TENM2: variants seen among roughly 807,000 people sequenced by gnomAD.
TENM2 encodes the protein teneurin transmembrane protein 2, also known as teneurin-2.
Under a neutral mutation model 245.2 loss-of-function variants are expected in TENM2, and 52 were observed. The ratio of observed to expected loss-of-function variants is 0.21; its 90% CI spans 0.17 to 0.27. The LOEUF is 0.27. TENM2 is among the 10% of genes least tolerant of loss of function. The pLI is 1.00. For missense variants in TENM2, 3,046 were observed against 3,666.8 expected (o/e 0.83, Z 4.37); for synonymous variants, 1,363 against 1,438.9 (o/e 0.95, Z 1.19).
chr5:168,057,029 C>G (rs1359708846), intron 6 of TENM2, among the ~76,000 whole-genome samples: 2 of 151,932 alleles, frequency 1.3e-5, no homozygotes, highest in Non-Finnish European at 2.9e-5. Context: ...TGTTAAGTGA[C>G]TCATGACTGT....
intron 4 of TENM2, among the ~76,000 whole-genome samples, chr5:167,961,818 C>G (rs752131892): frequency 9.9e-5 from 15 of 152,138 alleles, no homozygotes; most frequent in Non-Finnish European, 2.1e-4. Flanking sequence ...CTGGAAGTTC[C>G]TACACCCAAA....
chr5:167,243,359 G>A, the TENM2 span, among the ~76,000 whole-genome samples: 1 of 152,138 alleles, frequency 6.6e-6, no homozygotes. Flanking sequence ...GGCTGGTCAG[G>A]TTCCTGCAGG....
chr5:167,219,439 G>A, the TENM2 span, among the ~76,000 whole-genome samples: 1 of 152,174 alleles, frequency 6.6e-6, no homozygotes, highest in South Asian at 2.1e-4. Context: ...TGTTACCCCT[G>A]AGGGTGATCA....
intron 2 of TENM2, chr5:167,653,763 G>A (rs1044886026): frequency 6.6e-6 from 1 of 152,130 alleles, no homozygotes; most frequent in African/African-American, 2.4e-5. Context: ...CTGGCCATAG[G>A]GATTGGTTCT....
intron 2 of TENM2, among the ~76,000 whole-genome samples, chr5:167,648,906 C>T (rs1780153804): frequency 6.6e-6 from 1 of 152,176 alleles, no homozygotes; most frequent in Non-Finnish European, 1.5e-5. Context: ...ATGAGAAGGG[C>T]TCGGTCTGTG....
chr5:168,262,400 G>A lies in TENM2; in HGVS notation c.7915G>A (p.Gly2639Ser), dbSNP rs376115829. ...CCTGGTCACACTAGGCACCACCATC[G>A]GCCGCAAGGTGCTAGAGAGCGGGGT... The change falls in exon 29 of 29, where the codon GGC (glycine) becomes AGC (serine). Residue 2639 changes from glycine (G) to serine (S), a missense_variant. Physicochemically the swap from Gly to Ser is moderately conservative, Grantham distance 56. Around this residue, in one of 2 missense-constraint regions of TENM2, gnomAD observed 2,704 missense variants for 3,331.9 expected, o/e 0.81. Transcript: ENST00000518659. 3.4e-4 allele frequency: 540 copies of A among 1,590,322 alleles called. No individual in the cohort carries two copies. The highest frequency in any genetic ancestry group is 4.2e-4 in the Non-Finnish European group (492 of 1,168,914).
chr5:167,300,080 G>T (rs190900450), intron 1 of TENM2, among the ~76,000 whole-genome samples: 9 of 152,268 alleles, frequency 5.9e-5, no homozygotes, highest in African/African-American at 1.9e-4. Flanking sequence ...TATCGGGTGC[G>T]GTCCTGGCTC....
At position 167,471,131 on chromosome 5, in the gene TENM2, G is replaced by C. The variant is rs571831178; in HGVS notation, c.502+95658G>C. Among the ~76,000 whole-genome samples the C allele has an allele frequency of 2.0e-5, 3 of 152,316 alleles. No individual in the cohort carries two copies. The South Asian group carries it at 6.2e-4, about 32-fold the overall frequency. On this transcript the variant is annotated intron_variant, in intron 2 of 28. Coordinates refer to ENST00000518659, the Ensembl canonical transcript of TENM2. ...GAGGATCCCCTAACTTAGAAAGCAA[G>C]TAATCTATATTATGAAGGAAGATGT...
chr5:167,920,099 C>A (rs1487308778), intron 3 of TENM2, among the ~76,000 whole-genome samples: 1 of 152,052 alleles, frequency 6.6e-6, no homozygotes, highest in East Asian at 1.9e-4. Context: ...AGTAGATGCT[C>A]AGACTAAAAA....
At chr5:167,237,928 T>A in the TENM2 span, among the ~76,000 whole-genome samples, 1 of 145,798 alleles carries the variant, frequency 6.9e-6, no homozygotes, top group Non-Finnish European at 1.5e-5. Context: ...GAGAATTGCT[T>A]GAACCCAGGA....
intron 2 of TENM2, among the ~76,000 whole-genome samples, chr5:167,387,232 A>G (rs1761488079): frequency 6.6e-6 from 1 of 150,390 alleles, no homozygotes; most frequent in Non-Finnish European, 1.5e-5. Context: ...CTCCTTGGTT[A>G]GGTATAATCC....
intron 2 of TENM2, among the ~76,000 whole-genome samples, chr5:167,666,992 T>A (rs2150340036): frequency 6.6e-6 from 1 of 152,318 alleles, no homozygotes; most frequent in East Asian, 1.9e-4. Context: ...CTAGGCAAAC[T>A]TTATGAGTTA....
chr5:167,420,488 TCTCA>T (rs1009709908), intron 2 of TENM2, among the ~76,000 whole-genome samples: 6 of 151,880 alleles, frequency 4.0e-5, no homozygotes, highest in African/African-American at 1.5e-4. Context: ...CCAGTATTCT[TCTCA>T]CTCACTCACT....
At chr5:167,975,196 A>G (rs935962700) in intron 4 of TENM2, among the ~76,000 whole-genome samples, 3 of 152,200 alleles carry the variant, frequency 2.0e-5, no homozygotes, top group Non-Finnish European at 4.4e-5. Context: ...GGCAGTGACA[A>G]GCTTTTCAGG....
rs1274238293 is a variant in TENM2 at position 167,511,498 on chromosome 5, T to C, written c.502+136025T>C. Among the ~76,000 whole-genome samples the C allele has an allele frequency of 2.0e-5, 3 of 152,196 alleles. No individual in the cohort carries two copies. The East Asian group carries it at 5.8e-4, about 29-fold the overall frequency. On this transcript the variant is annotated intron_variant, in intron 2 of 28. Coordinates refer to ENST00000518659, the Ensembl canonical transcript of TENM2. The stretch of plus-strand genomic sequence containing the variant: ...CCAATTCCTACAGGATAGAAGAAAT[T>C]TGCATTCTTTTGTCATACAAATAGT...
chr5:167,393,687 A>C (rs1761895264), intron 2 of TENM2, among the ~76,000 whole-genome samples: 1 of 152,202 alleles, frequency 6.6e-6, no homozygotes. Context: ...AGTTTTGAGC[A>C]TAAGAATGTC....
chr5:168,128,487 C>T (rs1285732121), intron 12 of TENM2, among the ~76,000 whole-genome samples: 1 of 152,198 alleles, frequency 6.6e-6, no homozygotes, highest in Non-Finnish European at 1.5e-5. Context: ...GTGGATAATC[C>T]TACTTTCTTT....
the TENM2 span, among the ~76,000 whole-genome samples, chr5:167,217,447 A>G: frequency 3.9e-5 from 6 of 152,134 alleles, no homozygotes; most frequent in Non-Finnish European, 7.4e-5. Context: ...GCAGCTTCCA[A>G]CCAACGCTAT....
At chr5:168,096,154 CAATACAGACAGCCTTGAAAAGAT>C (rs1218452281) in intron 8 of TENM2, among the ~76,000 whole-genome samples, 1 of 152,160 alleles carries the variant, frequency 6.6e-6, no homozygotes, top group Non-Finnish European at 1.5e-5. Flanking sequence ...AGGCTGTTCC[CAATACAGACAGCCTTGAAAAGAT>C]AGTTCAGAAC....
Sources: gnomAD v4.1 joint callset for allele counts (sites outside exome capture counted in the v4.1 genomes callset) on GRCh38, gnomAD v4.1.1 for gene constraint, gnomAD v4.1.1 regional missense constraint, MANE v1.5 for transcripts, NCBI Gene and HGNC (gene_info 2026-07-23, HGNC 2026-07-21) for gene names.